Variants in GRB10 observed in about 807,000 individuals in gnomAD.
The protein encoded by GRB10 is growth factor receptor-bound protein 10.
GRB10 carries 20 observed loss-of-function variants against 80.9 expected under a neutral mutation model. That is an observed-to-expected ratio of 0.25 (90% CI 0.17 to 0.36). The LOEUF (loss-of-function observed/expected upper bound fraction) is 0.36. Ranked by LOEUF, GRB10 falls within the 10% of genes least tolerant of loss-of-function variation. The probability of loss-of-function intolerance (pLI) is 1.00; values close to 1 mark genes in which losing one functional copy is unlikely to be tolerated. For synonymous variants in GRB10, 291 were observed against 291.5 expected, an observed-to-expected ratio of 1.00 and a Z score of 0.02; for missense variants, 548 against 747.7, an observed-to-expected ratio of 0.73 and a Z score of 3.12.
At position 50,705,222 on chromosome 7, in the gene GRB10, G is replaced by A. The variant is rs76200281; in HGVS notation, c.52-1314C>T. On this transcript the variant is annotated intron_variant, in intron 4 of 18. Transcript: ENST00000401949. ...GGGGGGAAGCAGAGGGTAGCCCAGGGGACAGACTCCAGCAGGGTCAGCTCA... is the reference window on the plus strand; with the variant it reads ...GGGGGGAAGCAGAGGGTAGCCCAGGAGACAGACTCCAGCAGGGTCAGCTCA... 4,239 of 985,722 alleles carry A rather than the reference G, an allele frequency of 4.3e-3. 167 individuals carry two copies. The African/African-American group carries it at 0.069, about 16-fold the overall frequency. The allele number at this position is 985,722 out of a possible 1,614,324, so 61.1% of individuals were successfully genotyped here. A position where few individuals can be genotyped will look rare whatever the true frequency, so the allele number is the denominator to read the frequency against.
chr7:50,718,757 C>T (rs1359123494), intron 4 of GRB10, among the ~76,000 whole-genome samples: 2 of 152,152 alleles, frequency 1.3e-5, no homozygotes, highest in African/African-American at 4.8e-5. Flanking sequence ...ACCGTCGAAA[C>T]CCTGAGAGCA....
chr7:50,759,165 C>T (rs1391870869), intron 2 of GRB10, among the ~76,000 whole-genome samples: 4 of 149,798 alleles, frequency 2.7e-5, no homozygotes, highest in African/African-American at 9.9e-5. Flanking sequence ...TGCACTCCAG[C>T]CTGGGTGACA....
At chr7:50,655,253 G>A (rs1460083376) in intron 7 of GRB10, among the ~76,000 whole-genome samples, 1 of 152,182 alleles carries the variant, frequency 6.6e-6, no homozygotes, top group Non-Finnish European at 1.5e-5. Flanking sequence ...GGTGACATCA[G>A]TGTGGCTCAC....
chr7:50,758,812 G>A (rs966172750), intron 2 of GRB10, among the ~76,000 whole-genome samples: 2 of 152,152 alleles, frequency 1.3e-5, no homozygotes, highest in Non-Finnish European at 2.9e-5. Flanking sequence ...GAATTAAAAG[G>A]AACATTTCTA....
intron 3 of GRB10, among the ~76,000 whole-genome samples, chr7:50,739,471 C>A (rs1323542849): frequency 1.3e-5 from 2 of 152,200 alleles, no homozygotes; most frequent in African/African-American, 4.8e-5. Context: ...AAGCAGATGA[C>A]CAAATGACAC....
At chr7:50,616,674 G>A (rs114692702) in intron 10 of GRB10, among the ~76,000 whole-genome samples, 2,273 of 152,218 alleles carry the variant, frequency 0.015, 46 homozygotes, top group African/African-American at 0.053. Context: ...CAAGTGATTG[G>A]GACTCTGGAG....
intron 5 of GRB10, among the ~76,000 whole-genome samples, chr7:50,689,792 A>C (rs779067696): frequency 1.3e-5 from 2 of 152,108 alleles, no homozygotes; most frequent in Non-Finnish European, 2.9e-5. Context: ...CAATACTAGT[A>C]CATTCTGTAG....
At chr7:50,791,139 T>C (rs929689322) in intron 1 of GRB10, among the ~76,000 whole-genome samples, 3 of 152,200 alleles carry the variant, frequency 2.0e-5, no homozygotes, top group Admixed American at 6.5e-5. Flanking sequence ...AAACAGATAA[T>C]ATGCAATAGA....
At chr7:50,682,179 C>T (rs1450613633) in intron 5 of GRB10, among the ~76,000 whole-genome samples, 1 of 152,234 alleles carries the variant, frequency 6.6e-6, no homozygotes, top group Admixed American at 6.5e-5. Context: ...GATCGTAGCT[C>T]ACCTCAGAAC....
chr7:50,597,576 A>C (rs1313853125), intron 17 of GRB10, among the ~76,000 whole-genome samples: 1 of 152,276 alleles, frequency 6.6e-6, no homozygotes, highest in Non-Finnish European at 1.5e-5. Context: ...CTCCTTCTGC[A>C]GATGGGAAGC....
Position 50,755,945 on chromosome 7 carries a change from G to A in GRB10, c.-105C>T. 2 of 398,948 alleles carry A rather than the reference G, an allele frequency of 5.0e-6. No homozygotes were observed. Among genetic ancestry groups the A allele is most frequent in the Non-Finnish European group, 8.8e-6 (2 of 226,344 alleles). 24.7% of individuals were successfully genotyped at this position (398,948 alleles called of 1,614,324 possible). On this transcript the variant is annotated 5_prime_UTR_variant, in exon 3 of 19. Coordinates refer to ENST00000401949, the MANE Select transcript of GRB10 (RefSeq NM_001350814.2). The stretch of plus-strand genomic sequence containing the variant: ...GGGGCGGCCACCCTGGCTTCACTGA[G>A]AGGACCCAGGTGAGGACCTGGCTGC...
chr7:50,614,940 T>A, intron 11 of GRB10, 60 bp from the exon 12 acceptor site: 1 of 1,069,506 alleles, frequency 9.4e-7, no homozygotes, highest in Non-Finnish European at 1.5e-6. Context: ...TGTGTTCACC[T>A]CTGGTAGACA....
intron 2 of GRB10, chr7:50,761,840 A>G (rs2153705515): frequency 6.6e-6 from 1 of 152,074 alleles, no homozygotes; most frequent in Admixed American, 6.6e-5. Context: ...TGCTGTTGTG[A>G]TGGAGTTCTC....
chr7:50,731,035 G>A (rs1217314373), intron 4 of GRB10, among the ~76,000 whole-genome samples: 2 of 152,044 alleles, frequency 1.3e-5, no homozygotes, highest in Non-Finnish European at 2.9e-5. Context: ...GTGACCTGTG[G>A]GTGCAGCACA....
At chr7:50,719,709 A>AG (rs1451611159) in intron 4 of GRB10, among the ~76,000 whole-genome samples, 1 of 152,196 alleles carries the variant, frequency 6.6e-6, no homozygotes, top group Non-Finnish European at 1.5e-5. Flanking sequence ...ATAAAAAAAA[A>AG]GAGTAACCAT....
rs761637828 is a variant in GRB10 at position 50,605,500 on chromosome 7, G to T, written c.1273-94C>A. 1.2e-4 allele frequency: 127 copies of T among 1,057,576 alleles called. 3 individuals are homozygous for T. In the South Asian group the frequency reaches 1.5e-3, roughly 13 times the overall value. The allele number at this position is 1,057,576 out of a possible 1,614,324, so 65.5% of individuals were successfully genotyped here. A position where few individuals can be genotyped will look rare whatever the true frequency, so the allele number is the denominator to read the frequency against. Reference sequence around the variant, plus strand: ...TATCATCAAGACGGTCAGGAAAGGGGAGCAGGGAATGCCTGCTTTCTACCT... The same window carrying T: ...TATCATCAAGACGGTCAGGAAAGGGTAGCAGGGAATGCCTGCTTTCTACCT... On this transcript the variant is annotated intron_variant, in intron 14 of 18. Coordinates refer to ENST00000401949, the MANE Select transcript of GRB10 (RefSeq NM_001350814.2).
intron 3 of GRB10, among the ~76,000 whole-genome samples, chr7:50,749,419 A>G (rs2153700327): frequency 6.6e-6 from 1 of 152,182 alleles, no homozygotes; most frequent in Middle Eastern, 3.4e-3. Flanking sequence ...ATGAGCCACC[A>G]TGCCTGGCCA....
chr7:50,751,863 G>A (rs2074160898), intron 3 of GRB10, among the ~76,000 whole-genome samples: 1 of 152,242 alleles, frequency 6.6e-6, no homozygotes, highest in Admixed American at 6.5e-5. Context: ...CACTGAATTA[G>A]TGAATGGTGA....
chr7:50,761,686 G>C (rs1471833574), intron 2 of GRB10: 1 of 152,182 alleles, frequency 6.6e-6, no homozygotes, highest in Non-Finnish European at 1.5e-5. Flanking sequence ...AGATTTTTAA[G>C]AACTGTCTGA....
Sources: allele counts gnomAD v4.1 joint callset (sites outside exome capture counted in the v4.1 genomes callset), GRCh38; gene constraint gnomAD v4.1.1; transcripts MANE v1.5; gene names NCBI Gene and HGNC (gene_info 2026-07-23, HGNC 2026-07-21).